Variants in RGS17 observed in about 807,000 individuals in gnomAD.
RGS17 encodes the protein regulator of G protein signaling 17.
Under a neutral mutation model 25.5 loss-of-function variants are expected in RGS17, and 12 were observed. That is an observed-to-expected ratio of 0.47 (90% CI 0.30 to 0.76). The LOEUF (loss-of-function observed/expected upper bound fraction) is 0.76. Ranked by LOEUF, RGS17 falls within the 30% of genes least tolerant of loss-of-function variation. RGS17 has a pLI of 0.07. For synonymous variants in RGS17, 71 were observed against 76.9 expected (o/e 0.92, Z 0.40); for missense variants, 196 against 242.2 (o/e 0.81, Z 1.27).
chr6:153,044,281 G>A lies in RGS17; in HGVS notation c.-25-238C>T, dbSNP rs1300293764. On this transcript the variant is annotated intron_variant, in intron 1 of 4. Coordinates refer to ENST00000206262, the MANE Select transcript of RGS17 (RefSeq NM_012419.5). ...TGCATAAAATTATAGCAACAAAGTTGCCACGTAATCAAGATTGTTGGTAAA... is the reference window on the plus strand; with the variant it reads ...TGCATAAAATTATAGCAACAAAGTTACCACGTAATCAAGATTGTTGGTAAA... Among the ~76,000 whole-genome samples, 2 of 152,182 alleles carry A rather than the reference G, an allele frequency of 1.3e-5. 1 individual carries two copies. The highest frequency in any genetic ancestry group is 1.3e-4 in the Admixed American group (2 of 15,284).
In RGS17 at chr6:153,016,233, G is replaced by A. The variant is rs1356399693; in HGVS notation, c.445-4471C>T. ...AAAGCACAGAATATTTTTCCCCAACGTTTTTATTTTACCTGAAAATGTATT... is the reference window on the plus strand; with the variant it reads ...AAAGCACAGAATATTTTTCCCCAACATTTTTATTTTACCTGAAAATGTATT... On this transcript the variant is annotated intron_variant, in intron 4 of 4. Transcript: ENST00000206262. Among the ~76,000 whole-genome samples the A allele has an allele frequency of 7.9e-5, 12 of 152,196 alleles. 1 individual carries two copies. The South Asian group carries it at 1.0e-3, about 13-fold the overall frequency.
At chr6:153,025,649 T>G (rs1481634299) in intron 3 of RGS17, among the ~76,000 whole-genome samples, 2 of 143,194 alleles carry the variant, frequency 1.4e-5, no homozygotes, top group African/African-American at 5.2e-5. Flanking sequence ...TATAAACATA[T>G]ATATATAAAA....
At position 153,048,797 on chromosome 6, in the gene RGS17, T is replaced by C. The variant is rs578223155; in HGVS notation, c.-25-4754A>G. Among the ~76,000 whole-genome samples the C allele has an allele frequency of 4.6e-5, 7 of 152,344 alleles. No individual in the cohort carries two copies. The South Asian group carries it at 1.4e-3, about 32-fold the overall frequency. ...CTCACCTCATCCCCAGTATGAGCTG[T>C]TACCCTTTCCTGTTTAACTTGTCTC... On this transcript the variant is annotated intron_variant, in intron 1 of 4. Coordinates refer to ENST00000206262, the MANE Select transcript of RGS17 (RefSeq NM_012419.5).
intron 1 of RGS17, among the ~76,000 whole-genome samples, chr6:153,106,706 G>C (rs1371859263): frequency 6.6e-6 from 1 of 151,878 alleles, no homozygotes; most frequent in Non-Finnish European, 1.5e-5. Flanking sequence ...GCAATGGTGC[G>C]ATTTCAGCTC....
chr6:153,058,362 G>A (rs1776591389), intron 1 of RGS17, among the ~76,000 whole-genome samples: 1 of 151,924 alleles, frequency 6.6e-6, no homozygotes, highest in Non-Finnish European at 1.5e-5. Flanking sequence ...CCTATCTCAG[G>A]GTTCTACACA....
At position 153,026,555 on chromosome 6, in the gene RGS17, C is replaced by T; in HGVS notation, c.120-12G>A. The T allele has an allele frequency of 6.3e-7, 1 of 1,597,620 alleles. No individual in the cohort carries two copies. The highest frequency in any genetic ancestry group is 2.2e-5 in the East Asian group (1 of 44,628). ...TCCTCACAGTGAGGCTGTAATGTAA[C>T]AGAACATTTAATTTTGTCAAGGGAA... is the stretch of plus-strand genomic sequence containing the variant. On this transcript the variant is annotated splice_polypyrimidine_tract_variant and intron_variant, in intron 2 of 4. Coordinates refer to ENST00000206262, the MANE Select transcript of RGS17 (RefSeq NM_012419.5).
chr6:153,068,755 G>A (rs1776743833), intron 1 of RGS17, among the ~76,000 whole-genome samples: 1 of 152,096 alleles, frequency 6.6e-6, no homozygotes, highest in South Asian at 2.1e-4. Flanking sequence ...CAAATTCATA[G>A]GACAAAATAT....
intron 1 of RGS17, among the ~76,000 whole-genome samples, chr6:153,126,401 T>A (rs1777704409): frequency 6.6e-6 from 1 of 152,146 alleles, no homozygotes; most frequent in South Asian, 2.1e-4. Context: ...TAGCAGTATA[T>A]GATGAACCCC....
At chr6:153,014,086 G>A (rs1562311572) in intron 4 of RGS17, among the ~76,000 whole-genome samples, 1 of 152,192 alleles carries the variant, frequency 6.6e-6, no homozygotes, top group Non-Finnish European at 1.5e-5. Flanking sequence ...AGAAGTCAAT[G>A]CCTGATTTCA....
At chr6:153,075,305 T>C (rs895771935) in intron 1 of RGS17, among the ~76,000 whole-genome samples, 3 of 152,154 alleles carry the variant, frequency 2.0e-5, no homozygotes, top group Non-Finnish European at 4.4e-5. Context: ...CTAGGGAGAA[T>C]TGTAAATAAA....
chr6:153,028,984 C>T (rs1312866360), intron 2 of RGS17, among the ~76,000 whole-genome samples: 1 of 152,196 alleles, frequency 6.6e-6, no homozygotes, highest in African/African-American at 2.4e-5. Context: ...TCACGAGTTT[C>T]TGAACATGAA....
Position 153,006,023 on chromosome 6 carries a change from A to G in RGS17, c.*5551T>C, listed in dbSNP as rs1470106851. 6.6e-6 allele frequency: 1 copy of G among 152,016 alleles called. No individual in the cohort carries two copies. Among genetic ancestry groups the G allele is most frequent in the East Asian group, 1.9e-4 (1 of 5,186 alleles). 9.4% of individuals were successfully genotyped at this position (152,016 alleles called of 1,614,324 possible). On this transcript the variant is annotated 3_prime_UTR_variant, in exon 5 of 5. Coordinates refer to ENST00000206262, the MANE Select transcript of RGS17 (RefSeq NM_012419.5). ...TACTATTTTAAATTTTATACATTTTATTTTTTTCTTAGAGTCAGGGTCTCA... is the reference window on the plus strand; with the variant it reads ...TACTATTTTAAATTTTATACATTTTGTTTTTTTCTTAGAGTCAGGGTCTCA...
chr6:153,057,479 C>T (rs1413566374), intron 1 of RGS17, among the ~76,000 whole-genome samples: 1 of 152,050 alleles, frequency 6.6e-6, no homozygotes, highest in Non-Finnish European at 1.5e-5. Context: ...AGTCAGGCTG[C>T]CTCTGTACAA....
rs780718036 is a variant in RGS17, at chr6:153,009,875, A to G, written c.*1699T>C. On this transcript the variant is annotated 3_prime_UTR_variant, in exon 5 of 5. Transcript: ENST00000206262. ...TTTATTCATGTCTCCTGAATTCTAT[A>G]TAAATTAGAAAATCATACTTGCTTA... 6.6e-6 allele frequency: 1 copy of G among 152,104 alleles called. No individual in the cohort carries two copies. Among genetic ancestry groups the G allele is most frequent in the South Asian group, 2.1e-4 (1 of 4,834 alleles). 9.4% of individuals were successfully genotyped at this position (152,104 alleles called of 1,614,324 possible).
intron 1 of RGS17, among the ~76,000 whole-genome samples, chr6:153,075,734 C>T (rs200931136): frequency 1.3e-5 from 2 of 152,228 alleles, no homozygotes; most frequent in East Asian, 3.9e-4. Context: ...TCTCTATAAA[C>T]TGATATCGAG....
chr6:153,027,408 G>C (rs930753591), intron 2 of RGS17, among the ~76,000 whole-genome samples: 1 of 152,044 alleles, frequency 6.6e-6, no homozygotes, highest in African/African-American at 2.4e-5. Context: ...TAAGAAGCAG[G>C]GTAGGGAGAA....
chr6:153,130,998 GTCGCGC>G lies in RGS17; in HGVS notation c.-26+120_-26+125del, dbSNP rs71017584. Reference sequence around the variant, plus strand: ...AGCCGCCCCCGCCGGGGCATGGGCGGTCGCGCTCTCCGCCCCCTCCTTCCTTCACCT... The same window carrying G: ...AGCCGCCCCCGCCGGGGCATGGGCGGTCTCCGCCCCCTCCTTCCTTCACCT... On this transcript the variant is annotated intron_variant, in intron 1 of 4. Transcript: ENST00000206262. This position sits in a 1 kb window ranked among gnomAD's most constrained non-coding sequence, Gnocchi z 6.4. 0.32 allele frequency: 48,274 copies of G among 151,650 alleles called. 8,128 individuals are homozygous for G. Among genetic ancestry groups the G allele is most frequent in the East Asian group, 0.66 (3,336 of 5,018 alleles). The allele number at this position is 151,650 out of a possible 1,614,324, so 9.4% of individuals were successfully genotyped here.
intron 1 of RGS17, among the ~76,000 whole-genome samples, chr6:153,090,611 A>G (rs1777114201): frequency 6.6e-6 from 1 of 152,014 alleles, no homozygotes; most frequent in South Asian, 2.1e-4. Context: ...TGGGCAACGA[A>G]ATGAGGCCTT....
chr6:153,100,938 T>A (rs1257281151), intron 1 of RGS17, among the ~76,000 whole-genome samples: 3 of 152,216 alleles, frequency 2.0e-5, no homozygotes, highest in African/African-American at 4.8e-5. Context: ...TTTCTGAGCA[T>A]CACTTTCCTT....
Sources: gnomAD v4.1 joint callset for allele counts (sites outside exome capture counted in the v4.1 genomes callset) on GRCh38, gnomAD v4.1.1 for gene constraint, Gnocchi (gnomAD v3.1) non-coding constraint, MANE v1.5 for transcripts, NCBI Gene and HGNC (gene_info 2026-07-23, HGNC 2026-07-21) for gene names.